Variants in EDAR observed in about 807,000 individuals in gnomAD.
EDAR encodes tumor necrosis factor receptor superfamily member EDAR.
Under a neutral mutation model 51.3 loss-of-function variants are expected in EDAR, and 38 were observed. The ratio of observed to expected loss-of-function variants is 0.74; its 90% CI spans 0.57 to 0.97. The LOEUF is 0.97. Among genes scored for constraint, EDAR ranks in the 50% least tolerant of loss-of-function variants. EDAR has a pLI of 0.00. For missense variants in EDAR, 528 were observed against 595.0 expected, an observed-to-expected ratio of 0.89 and a Z score of 1.17; for synonymous variants, 227 against 242.1, an observed-to-expected ratio of 0.94 and a Z score of 0.58.
intron 5 of EDAR, 37 bp downstream of exon 5, chr2:108,923,331 A>C (rs1370608085): frequency 6.3e-7 from 1 of 1,599,280 alleles, no homozygotes; most frequent in Non-Finnish European, 8.6e-7. Context: ...TCCGTGCTGA[A>C]CAAATACCGT....
chr2:108,937,531 G>A (rs1558819808), intron 1 of EDAR, among the ~76,000 whole-genome samples: 1 of 151,884 alleles, frequency 6.6e-6, no homozygotes, highest in East Asian at 1.9e-4. Flanking sequence ...GTGTAGGTGA[G>A]TGTATGTGTG....
At chr2:108,899,956 A>C (rs1473142728) in intron 11 of EDAR, among the ~76,000 whole-genome samples, 1 of 152,158 alleles carries the variant, frequency 6.6e-6, no homozygotes, top group Admixed American at 6.6e-5. Flanking sequence ...ACTGCTCTCC[A>C]ACCTGGGTGG....
chr2:108,922,233 T>C (rs959751704), intron 5 of EDAR, among the ~76,000 whole-genome samples: 6 of 152,228 alleles, frequency 3.9e-5, no homozygotes, highest in African/African-American at 1.4e-4. Context: ...TCTGACATCT[T>C]TCCAGACTGG....
At chr2:108,984,423 C>T (rs959133799) in intron 1 of EDAR, among the ~76,000 whole-genome samples, 1 of 152,140 alleles carries the variant, frequency 6.6e-6, no homozygotes, top group African/African-American at 2.4e-5. Flanking sequence ...CAATGAGAGC[C>T]CAGCCCCCTT....
intron 1 of EDAR, among the ~76,000 whole-genome samples, chr2:108,959,262 A>G (rs953655292): frequency 2.0e-5 from 3 of 152,350 alleles, no homozygotes; most frequent in South Asian, 2.1e-4. Flanking sequence ...ATGATGGCCT[A>G]TGAAGCCCTG....
At position 108,896,122 on chromosome 2, in the gene EDAR, A is replaced by G. The variant is rs1696582808; in HGVS notation, c.*785T>C. ...TTCCCAGGCCAAAGAGTAATGCAGT[A>G]AATGAAATTGGCTACTGCACACATC... On this transcript the variant is annotated 3_prime_UTR_variant, in exon 12 of 12. Coordinates refer to ENST00000258443, the MANE Select transcript of EDAR (RefSeq NM_022336.4). 1.3e-5 allele frequency: 2 copies of G among 152,264 alleles called. No homozygotes were observed. Among genetic ancestry groups the G allele is most frequent in the Admixed American group, 1.3e-4 (2 of 15,292 alleles). 9.4% of individuals were successfully genotyped at this position (152,264 alleles called of 1,614,324 possible). A position where few individuals can be genotyped will look rare whatever the true frequency, so the allele number is the denominator to read the frequency against.
At chr2:108,942,645 G>A (rs770204058) in intron 1 of EDAR, among the ~76,000 whole-genome samples, 2 of 152,164 alleles carry the variant, frequency 1.3e-5, no homozygotes, top group Non-Finnish European at 2.9e-5. Context: ...TGCTTTCCAC[G>A]CCAGAGGCCT....
intron 1 of EDAR, among the ~76,000 whole-genome samples, chr2:108,931,496 T>C (rs1697365506): frequency 6.6e-6 from 1 of 152,178 alleles, no homozygotes; most frequent in Non-Finnish European, 1.5e-5. Flanking sequence ...TGTTCTTCCC[T>C]CTCTCTGTTA....
chr2:108,931,350 C>T (rs555237135), intron 1 of EDAR, among the ~76,000 whole-genome samples: 4 of 152,336 alleles, frequency 2.6e-5, no homozygotes, highest in South Asian at 2.1e-4. Flanking sequence ...CCTAGCCTTA[C>T]ATGAGCTTTA....
chr2:108,923,473 C>T lies in EDAR; in HGVS notation c.357-20G>A, dbSNP rs1462717925. Reference sequence around the variant, plus strand: ...TAGTAGCTACGGGGGAGAGACAAGACAAAACAGAGACAGGTGAGCTGGACA... The same window carrying T: ...TAGTAGCTACGGGGGAGAGACAAGATAAAACAGAGACAGGTGAGCTGGACA... On this transcript the variant is annotated intron_variant, in intron 4 of 11. Coordinates refer to ENST00000258443, the MANE Select transcript of EDAR (RefSeq NM_022336.4). 1 of 1,611,708 alleles carries T rather than the reference C, an allele frequency of 6.2e-7. No individual in the cohort carries two copies. Among genetic ancestry groups the T allele is most frequent in the African/African-American group, 1.3e-5 (1 of 74,834 alleles).
In EDAR at chr2:108,897,027, A is replaced by C. The variant is rs1162538019; in HGVS notation, c.1227T>G (p.Pro409=). Residue 409 remains proline, a synonymous_variant, in exon 12 of 12, where the codon CCT becomes CCG. Transcript: ENST00000258443. ...DRISTAGYSI[P]ELLTKLVQIE... ...TCTGCACCAGTTTTGTGAGTAGCTC[A>C]GGGATGCTGTAGCCTGCCGTGCTGA... 2 of 1,613,960 alleles carry C rather than the reference A, an allele frequency of 1.2e-6. No homozygotes were observed. The highest frequency in any genetic ancestry group is 3.3e-5 in the Admixed American group (2 of 60,004).
intron 10 of EDAR, among the ~76,000 whole-genome samples, chr2:108,906,868 C>A (rs1390481344): frequency 6.6e-6 from 1 of 152,160 alleles, no homozygotes; most frequent in Non-Finnish European, 1.5e-5. Flanking sequence ...GTGGCAGCCC[C>A]ATTACAGAGG....
intron 7 of EDAR, 48 bp downstream of exon 7, chr2:108,910,899 T>C (rs1574372153): frequency 1.2e-6 from 2 of 1,612,880 alleles, no homozygotes; most frequent in Admixed American, 3.3e-5. Context: ...ACAGGGGGAG[T>C]TGACGGAGAG....
intron 1 of EDAR, among the ~76,000 whole-genome samples, chr2:108,980,667 C>T (rs1387634819): frequency 1.3e-5 from 2 of 151,996 alleles, no homozygotes; most frequent in Non-Finnish European, 2.9e-5. Flanking sequence ...TCTGATAAGA[C>T]GACGTGTTAG....
intron 4 of EDAR, 104 bp downstream of exon 4, chr2:108,929,094 G>C (rs28691031): frequency 7.5e-7 from 1 of 1,332,386 alleles, no homozygotes; most frequent in Non-Finnish European, 1.1e-6. Flanking sequence ...GCTGCACCGA[G>C]GCCTGCAGTA....
At position 108,911,161 on chromosome 2, in the gene EDAR, C is replaced by T. The variant is rs1014698148; in HGVS notation, c.530-89G>A. 12 of 1,529,742 alleles carry T rather than the reference C, an allele frequency of 7.8e-6. No individual in the cohort carries two copies. In the Admixed American group the frequency reaches 1.5e-4, roughly 19 times the overall value. The allele number at this position is 1,529,742 out of a possible 1,614,324, so 94.8% of individuals were successfully genotyped here. A position where few individuals can be genotyped will look rare whatever the true frequency, so the allele number is the denominator to read the frequency against. ...GACTCCGGCCCCTGGAAGCAATGGCCCTGCCCCTGGGATGCTTTCAGGGAA... is the reference window on the plus strand; with the variant it reads ...GACTCCGGCCCCTGGAAGCAATGGCTCTGCCCCTGGGATGCTTTCAGGGAA... On this transcript the variant is annotated intron_variant, in intron 6 of 11. Coordinates refer to ENST00000258443, the MANE Select transcript of EDAR (RefSeq NM_022336.4).
intron 11 of EDAR, among the ~76,000 whole-genome samples, chr2:108,905,885 A>T (rs181088413): frequency 1.2e-3 from 186 of 152,290 alleles, no homozygotes; most frequent in African/African-American, 4.4e-3. Flanking sequence ...TCCCAGGGCT[A>T]TCAGACATCG....
chr2:108,970,527 GGT>G (rs754695215), intron 1 of EDAR, among the ~76,000 whole-genome samples: 96 of 152,198 alleles, frequency 6.3e-4, no homozygotes, highest in Non-Finnish European at 1.2e-3. Context: ...GCCTCTGGAC[GGT>G]GCCCAGGGAG....
chr2:108,908,745 G>A (rs751063768), intron 9 of EDAR, among the ~76,000 whole-genome samples: 32 of 152,196 alleles, frequency 2.1e-4, no homozygotes, highest in Non-Finnish European at 3.5e-4. Flanking sequence ...TTCTTTTTTA[G>A]AGGCATCCTG....
Sources: gnomAD v4.1 joint callset for allele counts (sites outside exome capture counted in the v4.1 genomes callset) on GRCh38, gnomAD v4.1.1 for gene constraint, MANE v1.5 for transcripts, NCBI Gene and HGNC (gene_info 2026-07-23, HGNC 2026-07-21) for gene names.